Variants in TMPRSS15 observed in about 807,000 individuals in gnomAD.
The protein encoded by TMPRSS15 is transmembrane serine protease 15.
Under a neutral mutation model 125.3 loss-of-function variants are expected in TMPRSS15, and 128 were observed. The observed-to-expected ratio is 1.02, with a 90% CI of 0.89 to 1.18. TMPRSS15 has a LOEUF of 1.18. Among genes scored for constraint, TMPRSS15 ranks in the 50% most tolerant of loss-of-function variants. The pLI is 0.00. For synonymous variants in TMPRSS15, 446 were observed against 423.2 expected, an observed-to-expected ratio of 1.05 and a Z score of -0.66; for missense variants, 1,283 against 1,212.7, an observed-to-expected ratio of 1.06 and a Z score of -0.86.
At chr21:18,278,247 T>C (rs2074644828) in intron 23 of TMPRSS15, among the ~76,000 whole-genome samples, 1 of 152,188 alleles carries the variant, frequency 6.6e-6, no homozygotes, top group Non-Finnish European at 1.5e-5. Flanking sequence ...TATCATGTGC[T>C]TTACAAAAAT....
intron 1 of TMPRSS15, among the ~76,000 whole-genome samples, chr21:18,474,415 C>A (rs766462791): frequency 6.6e-6 from 1 of 151,962 alleles, no homozygotes; most frequent in Non-Finnish European, 1.5e-5. Flanking sequence ...CTCAGTCTCC[C>A]AAGTAGCTGG....
At chr21:18,351,125 C>T (rs988237845) in intron 10 of TMPRSS15, among the ~76,000 whole-genome samples, 1 of 151,966 alleles carries the variant, frequency 6.6e-6, no homozygotes, top group Non-Finnish European at 1.5e-5. Context: ...ATGTCACTCA[C>T]AATTTATGTT....
intron 1 of TMPRSS15, among the ~76,000 whole-genome samples, chr21:18,446,990 G>A (rs900724206): frequency 4.6e-5 from 7 of 152,146 alleles, no homozygotes; most frequent in Non-Finnish European, 7.4e-5. Context: ...CAAGAGTGAA[G>A]ACACAACTTA....
intron 10 of TMPRSS15, among the ~76,000 whole-genome samples, chr21:18,347,535 T>C (rs557799364): frequency 1.3e-5 from 2 of 152,330 alleles, no homozygotes; most frequent in African/African-American, 4.8e-5. Flanking sequence ...TGGCCTGTTG[T>C]ATATTTTATT....
At chr21:18,461,824 A>G (rs1182087170) in intron 1 of TMPRSS15, among the ~76,000 whole-genome samples, 1 of 152,144 alleles carries the variant, frequency 6.6e-6, no homozygotes, top group African/African-American at 2.4e-5. Context: ...TTTGGATACT[A>G]TAGTTGCCCT....
intron 1 of TMPRSS15, among the ~76,000 whole-genome samples, chr21:18,441,306 A>AAAACAAAACAAAACC (rs1555912706): frequency 4.0e-5 from 6 of 150,492 alleles, no homozygotes; most frequent in Non-Finnish European, 7.4e-5. Context: ...AAAACAAAAC[A>AAAACAAAACAAAACC]AAACCAAAAA....
intron 21 of TMPRSS15, among the ~76,000 whole-genome samples, chr21:18,286,477 T>C (rs2074766511): frequency 6.6e-6 from 1 of 152,210 alleles, no homozygotes. Context: ...AAATCAGAAC[T>C]CTCACTCTCT....
intron 1 of TMPRSS15, among the ~76,000 whole-genome samples, chr21:18,480,722 T>TA (rs1209628280): frequency 8.6e-5 from 13 of 151,626 alleles, no homozygotes; most frequent in African/African-American, 2.4e-4. Context: ...TTATCAAATC[T>TA]AAAAAAAATC....
chr21:18,277,505 C>T (rs2146861144), intron 23 of TMPRSS15, among the ~76,000 whole-genome samples: 1 of 152,092 alleles, frequency 6.6e-6, no homozygotes, highest in East Asian at 1.9e-4. Context: ...TAATATTTTT[C>T]AAGAGGGAGA....
At chr21:18,272,049 CAT>C (rs2146849899) in intron 24 of TMPRSS15, among the ~76,000 whole-genome samples, 1 of 152,252 alleles carries the variant, frequency 6.6e-6, no homozygotes, top group East Asian at 1.9e-4. Context: ...TACACGTGTG[CAT>C]ATGTCTTTAC....
At chr21:18,352,843 C>T in intron 10 of TMPRSS15, 60 bp downstream of exon 10, 1 of 1,563,294 alleles carries the variant, frequency 6.4e-7, no homozygotes, top group East Asian at 2.3e-5. Context: ...CAACACATAC[C>T]TCTTTCCTTT....
chr21:18,447,569 C>T (rs528811366), intron 1 of TMPRSS15, among the ~76,000 whole-genome samples: 80 of 152,164 alleles, frequency 5.3e-4, no homozygotes, highest in Non-Finnish European at 9.0e-4. Flanking sequence ...TGATAATCCC[C>T]ACATGTTTGG....
chr21:18,362,168 G>C (rs768087533), intron 7 of TMPRSS15, among the ~76,000 whole-genome samples: 1 of 152,160 alleles, frequency 6.6e-6, no homozygotes, highest in Non-Finnish European at 1.5e-5. Context: ...GTAAAGCTAA[G>C]TTTGAAGCTG....
In TMPRSS15 at chr21:18,447,768, C is replaced by T. The variant is rs149413649; in HGVS notation, c.10+38031G>A. 3.9e-5 allele frequency among the ~76,000 whole-genome samples: 6 copies of T among 152,216 alleles called. No individual in the cohort carries two copies. In the East Asian group the frequency reaches 9.7e-4, roughly 25 times the overall value. On this transcript the variant is annotated intron_variant, in intron 1 of 7. Coordinates refer to the TMPRSS15 transcript ENST00000422787. Reference sequence around the variant, plus strand: ...CTCTTCCTTTGTCTTCTGCAATGATCGTGAGGCCTCCCTAGCCTTGTTAAA... The same window carrying T: ...CTCTTCCTTTGTCTTCTGCAATGATTGTGAGGCCTCCCTAGCCTTGTTAAA...
At chr21:18,396,804 G>GTCTATCTATCTA (rs67154609) in intron 3 of TMPRSS15, among the ~76,000 whole-genome samples, 9,167 of 95,986 alleles carry the variant, frequency 0.096, 507 homozygotes, top group African/African-American at 0.13. Flanking sequence ...CTGTCTGTCT[G>GTCTATCTATCTA]TCTGTCTATC....
At chr21:18,409,140 GA>G (rs767042490) in intron 1 of TMPRSS15, among the ~76,000 whole-genome samples, 65 of 151,914 alleles carry the variant, frequency 4.3e-4, no homozygotes, top group Non-Finnish European at 7.7e-4. Flanking sequence ...GAATTCTGAA[GA>G]TTTTTTTAAT....
chr21:18,352,830 G>T, intron 10 of TMPRSS15, 73 bp downstream of exon 10: 1 of 1,512,058 alleles, frequency 6.6e-7, no homozygotes, highest in Non-Finnish European at 9.2e-7. Flanking sequence ...TTACACTGCA[G>T]TACAACACAT....
intron 21 of TMPRSS15, among the ~76,000 whole-genome samples, chr21:18,286,363 T>C (rs2074764550): frequency 6.6e-6 from 1 of 152,238 alleles, no homozygotes; most frequent in African/African-American, 2.4e-5. Flanking sequence ...GTATTTTAAT[T>C]CTTGACTTCT....
Position 18,275,664 on chromosome 21 carries a change from G to GTGT in TMPRSS15, c.2765-331_2765-329dup, listed in dbSNP as rs563374278. Among the ~76,000 whole-genome samples, 5 of 152,282 alleles carry GTGT rather than the reference G, an allele frequency of 3.3e-5. No homozygotes were observed. In the East Asian group the frequency reaches 9.6e-4, roughly 29 times the overall value. On this transcript the variant is annotated intron_variant, in intron 23 of 24. Coordinates refer to ENST00000284885, the MANE Select transcript of TMPRSS15 (RefSeq NM_002772.3). ...GGGGGAAAACGCTCCCCAACACAAA[G>GTGT]TGTTTCATTCATGGAAATTAGCAAC...
Sources: gnomAD v4.1 joint callset for allele counts (sites outside exome capture counted in the v4.1 genomes callset) on GRCh38, gnomAD v4.1.1 for gene constraint, MANE v1.5 for transcripts, NCBI Gene and HGNC (gene_info 2026-07-23, HGNC 2026-07-21) for gene names.